Variants in NYAP2 observed in about 807,000 individuals in gnomAD.
The protein encoded by NYAP2 is neuronal tyrosine-phosphorylated phosphoinositide-3-kinase adaptor 2, also known as neuronal tyrosine-phosphorylated phosphoinositide-3-kinase adapter 2.
A neutral mutation model predicts 50.4 loss-of-function variants in NYAP2; 23 were observed. That is an observed-to-expected ratio of 0.46 (90% CI 0.33 to 0.65). NYAP2 has a LOEUF of 0.65. Among genes scored for constraint, NYAP2 ranks in the 30% least tolerant of loss-of-function variants. The probability of loss-of-function intolerance (pLI) is 0.02; values close to 1 mark genes in which losing one functional copy is unlikely to be tolerated. For missense variants in NYAP2, 885 were observed against 861.0 expected, an observed-to-expected ratio of 1.03 and a Z score of -0.35; for synonymous variants, 394 against 365.2, an observed-to-expected ratio of 1.08 and a Z score of -0.90.
chr2:225,690,772 T>C, the NYAP2 span, among the ~76,000 whole-genome samples: 15 of 152,134 alleles, frequency 9.9e-5, no homozygotes, highest in African/African-American at 3.4e-4. Context: ...TCATCATTTC[T>C]GGTTTATCTA....
At chr2:225,677,726 G>C in the NYAP2 span, among the ~76,000 whole-genome samples, 4 of 152,138 alleles carry the variant, frequency 2.6e-5, no homozygotes, top group African/African-American at 9.6e-5. Flanking sequence ...TTATTGATTT[G>C]CATATGTTGA....
At chr2:225,544,327 G>T (rs1691530388) in intron 4 of NYAP2, among the ~76,000 whole-genome samples, 1 of 150,754 alleles carries the variant, frequency 6.6e-6, no homozygotes, top group African/African-American at 2.4e-5. Context: ...CTGCCATTTT[G>T]TTATTCATTT....
chr2:225,688,212 T>C, the NYAP2 span, among the ~76,000 whole-genome samples: 3 of 152,198 alleles, frequency 2.0e-5, no homozygotes, highest in African/African-American at 7.2e-5. Flanking sequence ...CATTGAGGAC[T>C]GAGTTTCAGG....
At chr2:225,565,159 G>A (rs983631414) in intron 4 of NYAP2, among the ~76,000 whole-genome samples, 4 of 151,656 alleles carry the variant, frequency 2.6e-5, no homozygotes, top group Non-Finnish European at 5.9e-5. Context: ...AATAAAAATT[G>A]TTAATCTGTT....
intron 5 of NYAP2, among the ~76,000 whole-genome samples, chr2:225,607,827 T>C (rs1208442621): frequency 2.0e-5 from 3 of 152,162 alleles, no homozygotes; most frequent in Admixed American, 2.0e-4. Context: ...ACTGTGGGCA[T>C]ACATATTTAA....
chr2:225,431,436 T>C (rs1695364770), intron 3 of NYAP2, among the ~76,000 whole-genome samples: 1 of 152,220 alleles, frequency 6.6e-6, no homozygotes, highest in South Asian at 2.1e-4. Flanking sequence ...AGGCAGCAGA[T>C]TTTACAAACA....
intron 4 of NYAP2, among the ~76,000 whole-genome samples, chr2:225,527,990 AT>A (rs1449912820): frequency 6.6e-6 from 1 of 152,164 alleles, no homozygotes; most frequent in African/African-American, 2.4e-5. Flanking sequence ...AGTAAAAGCA[AT>A]AATTATAACT....
chr2:225,493,971 T>G (rs573786133), intron 3 of NYAP2, among the ~76,000 whole-genome samples: 1 of 152,330 alleles, frequency 6.6e-6, no homozygotes, highest in African/African-American at 2.4e-5. Flanking sequence ...GTTCTTACAA[T>G]GACCATGAGT....
At chr2:225,426,859 G>A (rs1272296981) in intron 3 of NYAP2, among the ~76,000 whole-genome samples, 1 of 152,166 alleles carries the variant, frequency 6.6e-6, no homozygotes, top group Non-Finnish European at 1.5e-5. Context: ...GAAATAAAGA[G>A]TGGCCCTGAG....
chr2:225,435,776 A>G (rs1048796679), intron 3 of NYAP2, among the ~76,000 whole-genome samples: 2 of 152,202 alleles, frequency 1.3e-5, no homozygotes, highest in African/African-American at 4.8e-5. Context: ...AAGCATCCAC[A>G]TGCATTCACC....
intron 6 of NYAP2, among the ~76,000 whole-genome samples, chr2:225,645,480 C>G (rs1372793810): frequency 6.6e-6 from 1 of 151,706 alleles, no homozygotes; most frequent in Non-Finnish European, 1.5e-5. Context: ...TGTTTCCCTC[C>G]TCCACTGCCT....
At chr2:225,620,903 C>T (rs905096627) in intron 5 of NYAP2, among the ~76,000 whole-genome samples, 6 of 152,016 alleles carry the variant, frequency 3.9e-5, no homozygotes, top group Non-Finnish European at 1.5e-5. Context: ...ATCACGAGGG[C>T]GGGAGATCGA....
chr2:225,701,674 TACTC>T, the NYAP2 span: 2 of 151,724 alleles, frequency 1.3e-5, no homozygotes, highest in African/African-American at 4.8e-5. Flanking sequence ...TGAAGGTTAA[TACTC>T]ACCCATGTAA....
downstream of NYAP2, among the ~76,000 whole-genome samples, chr2:225,656,340 AATAGCTGTTATCC>A (rs1229651620): frequency 2.0e-5 from 3 of 152,184 alleles, no homozygotes; most frequent in African/African-American, 7.2e-5. Context: ...CTGTATACTT[AATAGCTGTTATCC>A]AGGCTACTAA....
At chr2:225,562,315 T>C (rs1691889652) in intron 4 of NYAP2, among the ~76,000 whole-genome samples, 1 of 152,118 alleles carries the variant, frequency 6.6e-6, no homozygotes, top group South Asian at 2.1e-4. Flanking sequence ...ATTCTAGAAA[T>C]CCAGGGCATG....
chr2:225,588,899 G>A (rs1354718144), intron 5 of NYAP2, among the ~76,000 whole-genome samples: 2 of 151,986 alleles, frequency 1.3e-5, no homozygotes, highest in Non-Finnish European at 2.9e-5. Context: ...TGTCTTCAGG[G>A]TCTATTTGAG....
chr2:225,564,504 A>G (rs1221549405), intron 4 of NYAP2, among the ~76,000 whole-genome samples: 1 of 152,002 alleles, frequency 6.6e-6, no homozygotes, highest in Non-Finnish European at 1.5e-5. Context: ...GAATATAGAG[A>G]AAGGTAAACA....
chr2:225,434,287 C>T (rs1241402775), intron 3 of NYAP2, among the ~76,000 whole-genome samples: 1 of 152,150 alleles, frequency 6.6e-6, no homozygotes, highest in Non-Finnish European at 1.5e-5. Flanking sequence ...GCTGCTTAAA[C>T]ATTTCTGTCA....
intron 3 of NYAP2, among the ~76,000 whole-genome samples, chr2:225,491,257 G>A (rs762771909): frequency 6.6e-6 from 1 of 152,194 alleles, no homozygotes; most frequent in Non-Finnish European, 1.5e-5. Flanking sequence ...AGGCAAGAAC[G>A]AAATTTTGAA....
Sources: gnomAD v4.1 joint callset for allele counts (sites outside exome capture counted in the v4.1 genomes callset) on GRCh38, gnomAD v4.1.1 for gene constraint, MANE v1.5 for transcripts, NCBI Gene and HGNC (gene_info 2026-07-23, HGNC 2026-07-21) for gene names.